Variants in PPARGC1A observed in about 807,000 individuals in gnomAD.
The protein encoded by PPARGC1A is peroxisome proliferator-activated receptor gamma coactivator 1-alpha.
Under a neutral mutation model 88.7 loss-of-function variants are expected in PPARGC1A, and 25 were observed. The observed-to-expected ratio is 0.28, with a 90% CI of 0.21 to 0.39. The LOEUF is 0.39. Among genes scored for constraint, PPARGC1A ranks in the 10% least tolerant of loss-of-function variants. The pLI is 1.00. For synonymous variants in PPARGC1A, 363 were observed against 355.6 expected (o/e 1.02, Z -0.24); for missense variants, 880 against 968.7 (o/e 0.91, Z 1.22).
chr4:24,017,152 G>A, the PPARGC1A span, among the ~76,000 whole-genome samples: 2 of 152,126 alleles, frequency 1.3e-5, no homozygotes, highest in African/African-American at 2.4e-5. Flanking sequence ...TACGCAAAGA[G>A]GTTAAATCTT....
In PPARGC1A at chr4:23,823,525, TAAG is replaced by T. The variant is rs542474756; in HGVS notation, c.877+752_877+754del. Among the ~76,000 whole-genome samples the T allele has an allele frequency of 5.3e-5, 8 of 152,196 alleles. No individual in the cohort carries two copies. The South Asian group carries it at 6.2e-4, about 12-fold the overall frequency. On this transcript the variant is annotated intron_variant, in intron 7 of 12. Coordinates refer to ENST00000264867, the MANE Select transcript of PPARGC1A (RefSeq NM_013261.5). ...CAATTGCTGGTCCTCACTGGTCAGA[TAAG>T]AAGGCCTCTACTGCATATCATATAT...
chr4:24,238,751 G>GTA, the PPARGC1A span, among the ~76,000 whole-genome samples: 1 of 106,660 alleles, frequency 9.4e-6, no homozygotes, highest in Non-Finnish European at 1.9e-5. Context: ...GTATATGTGT[G>GTA]TGTGTGTGTG....
chr4:23,924,135 T>C, the PPARGC1A span, among the ~76,000 whole-genome samples: 10 of 152,308 alleles, frequency 6.6e-5, no homozygotes, highest in Admixed American at 6.5e-4. Flanking sequence ...CACAGGAGAT[T>C]GGCTTGGCCA....
At chr4:24,414,568 T>G in the PPARGC1A span, among the ~76,000 whole-genome samples, 1 of 152,134 alleles carries the variant, frequency 6.6e-6, no homozygotes, top group Admixed American at 6.5e-5. Context: ...GACAATCCAA[T>G]TGGATCCCCT....
chr4:24,154,557 A>G, the PPARGC1A span, among the ~76,000 whole-genome samples: 1 of 152,172 alleles, frequency 6.6e-6, no homozygotes, highest in Non-Finnish European at 1.5e-5. Context: ...AGCCAACCCA[A>G]TTTAAGACTT....
the PPARGC1A span, among the ~76,000 whole-genome samples, chr4:24,062,492 T>C: frequency 6.6e-6 from 1 of 152,228 alleles, no homozygotes; most frequent in Non-Finnish European, 1.5e-5. Context: ...TGTGCTCCCA[T>C]AGCACAGTGT....
the PPARGC1A span, among the ~76,000 whole-genome samples, chr4:24,175,358 T>G: frequency 5.3e-5 from 8 of 150,042 alleles, no homozygotes; most frequent in Non-Finnish European, 4.4e-5. Flanking sequence ...TTTTGTTTTT[T>G]TTTTTCTCTT....
At chr4:24,442,237 C>T in the PPARGC1A span, among the ~76,000 whole-genome samples, 8 of 152,016 alleles carry the variant, frequency 5.3e-5, no homozygotes, top group East Asian at 1.5e-3. Flanking sequence ...TGTTTCACCT[C>T]CAAGTGTATT....
chr4:24,327,960 A>T, the PPARGC1A span, among the ~76,000 whole-genome samples: 2 of 152,050 alleles, frequency 1.3e-5, no homozygotes, highest in Non-Finnish European at 2.9e-5. Flanking sequence ...GATTAACCCC[A>T]TGAATTTCCT....
chr4:24,278,859 C>T, the PPARGC1A span, among the ~76,000 whole-genome samples: 120,766 of 152,046 alleles, frequency 0.79, 48,072 homozygotes, highest in South Asian at 0.89. Context: ...AGCTGAACCT[C>T]TGCTCCCAGA....
the PPARGC1A span, among the ~76,000 whole-genome samples, chr4:24,338,641 T>C: frequency 6.6e-6 from 1 of 152,152 alleles, no homozygotes; most frequent in African/African-American, 2.4e-5. Flanking sequence ...ACTGCCCAAA[T>C]TCCAACCTCA....
chr4:23,825,254 T>C (rs1014975620), intron 5 of PPARGC1A: 1 of 152,144 alleles, frequency 6.6e-6, no homozygotes, highest in Admixed American at 6.6e-5. Context: ...GGCAATCTTG[T>C]ATTTTGAACA....
the PPARGC1A span, among the ~76,000 whole-genome samples, chr4:24,387,758 G>GAAAGAAAGAAAGAAAGAA: frequency 3.2e-5 from 2 of 62,364 alleles, no homozygotes; most frequent in Non-Finnish European, 6.1e-5. Context: ...GAGAGAGAGA[G>GAAAGAAAGAAAGAAAGAA]AGAGAGAGAG....
chr4:24,306,832 T>A, the PPARGC1A span, among the ~76,000 whole-genome samples: 2 of 152,170 alleles, frequency 1.3e-5, no homozygotes, highest in African/African-American at 4.8e-5. Flanking sequence ...CAGCTAAATA[T>A]TGGCCACAAA....
At chr4:24,274,858 T>TA in the PPARGC1A span, among the ~76,000 whole-genome samples, 2 of 152,192 alleles carry the variant, frequency 1.3e-5, no homozygotes, top group African/African-American at 4.8e-5. Flanking sequence ...GTCCCATGGG[T>TA]AATGATTCAC....
chr4:24,201,605 A>G, the PPARGC1A span, among the ~76,000 whole-genome samples: 1 of 152,252 alleles, frequency 6.6e-6, no homozygotes, highest in South Asian at 2.1e-4. Context: ...CTAATTGCAT[A>G]TAATCTTCAC....
chr4:23,820,016 C>T (rs575458313), intron 7 of PPARGC1A, among the ~76,000 whole-genome samples: 1 of 152,120 alleles, frequency 6.6e-6, no homozygotes, highest in East Asian at 1.9e-4. Context: ...TTTGTCAGTA[C>T]ATTTTTCCAG....
At chr4:23,960,926 A>T in the PPARGC1A span, among the ~76,000 whole-genome samples, 1 of 152,152 alleles carries the variant, frequency 6.6e-6, no homozygotes, top group African/African-American at 2.4e-5. Context: ...CTGAACAGTG[A>T]GTGTTCTCAG....
At chr4:23,811,813 A>G (rs1720939270) in intron 10 of PPARGC1A, among the ~76,000 whole-genome samples, 1 of 150,336 alleles carries the variant, frequency 6.7e-6, no homozygotes, top group Non-Finnish European at 1.5e-5. Context: ...ATAAAATGTC[A>G]TTGAAAAGTA....
Sources: allele counts gnomAD v4.1 joint callset (sites outside exome capture counted in the v4.1 genomes callset), GRCh38; gene constraint gnomAD v4.1.1; transcripts MANE v1.5; gene names NCBI Gene and HGNC (gene_info 2026-07-23, HGNC 2026-07-21).